Variants in SLC26A2 observed in about 807,000 individuals in gnomAD.
SLC26A2 encodes the protein solute carrier family 26 member 2.
In SLC26A2, 36 loss-of-function variants were observed where a neutral mutation model predicts 41.1. The observed-to-expected ratio is 0.88, with a 90% confidence interval of 0.67 to 1.16. The LOEUF (loss-of-function observed/expected upper bound fraction) is 1.16, where lower values mean the gene tolerates loss of function less well. SLC26A2 is among the 50% of genes most tolerant of loss of function. The pLI, the probability that SLC26A2 is intolerant of heterozygous loss-of-function variation, is 0.00. For missense variants in SLC26A2, 796 were observed against 869.6 expected, an observed-to-expected ratio of 0.92 and a Z score of 1.07; for synonymous variants, 291 against 311.6, an observed-to-expected ratio of 0.93 and a Z score of 0.70.
rs574515587 is a variant in SLC26A2, at chr5:149,975,745, T to C, written c.-25-1883T>C. 9.9e-5 allele frequency among the ~76,000 whole-genome samples: 15 copies of C among 152,216 alleles called. 1 individual carries two copies. Among genetic ancestry groups the C allele is most frequent in the Admixed American group, 7.2e-4 (11 of 15,284 alleles). On this transcript the variant is annotated intron_variant, in intron 1 of 2. Transcript: ENST00000286298. ...GTTACTTTTACATATCTTGTGTTCT[T>C]GAATAAGTCATAGGTCCTGGATTTT...
At chr5:149,972,637 T>C (rs1754923434) in intron 1 of SLC26A2, among the ~76,000 whole-genome samples, 1 of 152,226 alleles carries the variant, frequency 6.6e-6, no homozygotes, top group Non-Finnish European at 1.5e-5. Flanking sequence ...AATTACTAAA[T>C]TGGGCCAGTC....
At chr5:149,972,615 A>G (rs1452980891) in intron 1 of SLC26A2, among the ~76,000 whole-genome samples, 3 of 152,232 alleles carry the variant, frequency 2.0e-5, no homozygotes, top group Non-Finnish European at 2.9e-5. Flanking sequence ...TCTGTCATTT[A>G]TAAGCTGAAT....
At chr5:149,979,586 A>G (rs768517204) in intron 2 of SLC26A2, among the ~76,000 whole-genome samples, 6 of 152,222 alleles carry the variant, frequency 3.9e-5, no homozygotes, top group Non-Finnish European at 8.8e-5. Context: ...AGAAGGAAGA[A>G]GGCATAACAA....
At chr5:149,969,874 T>G (rs1431008541) in intron 1 of SLC26A2, among the ~76,000 whole-genome samples, 3 of 152,206 alleles carry the variant, frequency 2.0e-5, no homozygotes, top group Non-Finnish European at 4.4e-5. Flanking sequence ...CAGTGTATTC[T>G]CCACTCTCAG....
At chr5:149,961,260 C>A (rs1182504626) in intron 1 of SLC26A2, among the ~76,000 whole-genome samples, 1 of 152,208 alleles carries the variant, frequency 6.6e-6, no homozygotes, top group Non-Finnish European at 1.5e-5. Flanking sequence ...CCGGGTGCCA[C>A]GCACTCCGCT....
chr5:149,975,222 C>T (rs1015261313), intron 1 of SLC26A2, among the ~76,000 whole-genome samples: 1 of 152,070 alleles, frequency 6.6e-6, no homozygotes, highest in Admixed American at 6.6e-5. Flanking sequence ...TTGAGTTCAT[C>T]GATTCTTTCT....
Position 149,981,293 on chromosome 5 carries a change from C to G in SLC26A2, c.1700C>G (p.Ser567Cys), listed in dbSNP as rs979024066. The G allele has an allele frequency of 6.2e-7, 1 of 1,614,122 alleles. No individual in the cohort carries two copies. The highest frequency in any genetic ancestry group is 1.3e-5 in the African/African-American group (1 of 75,030). The change falls in exon 3 of 3, where the codon TCT (serine) becomes TGT (cysteine). Residue 567 changes from serine (S) to cysteine (C), a missense_variant. Transcript: ENST00000286298. ...VEESEVFESV[S>C]AYKNLQIKPG... ...GAGTCTGAGGTCTTTGAATCTGTGT[C>G]TGCTTACAAGAACCTTCAGATTAAG...
At chr5:149,971,331 A>C (rs182973221) in intron 1 of SLC26A2, among the ~76,000 whole-genome samples, 168 of 152,304 alleles carry the variant, frequency 1.1e-3, no homozygotes, top group Non-Finnish European at 2.0e-3. Flanking sequence ...AGTGAGTTAG[A>C]GGATCCGATG....
Position 149,981,675 on chromosome 5 carries a change from A to C in SLC26A2, c.2082A>C (p.Leu694=). The C allele has an allele frequency of 6.2e-7, 1 of 1,613,354 alleles. No homozygotes were observed. The change falls in exon 3 of 3, where the codon CTA becomes CTC. Residue 694 remains leucine, a synonymous_variant. Transcript: ENST00000286298. The stretch of plus-strand genomic sequence containing the variant: ...GCAATCCCACTGTGAGGGATTCCCT[A>C]ACCAACGGAGAATATTGCAAAAAGG... ...AQCNPTVRDS[L]TNGEYCKKEE...
At chr5:149,971,668 G>A (rs1226258877) in intron 1 of SLC26A2, among the ~76,000 whole-genome samples, 4 of 152,156 alleles carry the variant, frequency 2.6e-5, no homozygotes, top group Non-Finnish European at 5.9e-5. Context: ...CCAAAGTGCC[G>A]GGATTACAGG....
At chr5:149,966,186 T>A (rs1754802558) in intron 1 of SLC26A2, among the ~76,000 whole-genome samples, 1 of 152,234 alleles carries the variant, frequency 6.6e-6, no homozygotes, top group Non-Finnish European at 1.5e-5. Context: ...ATTATAGTTG[T>A]AAACCACTGG....
At chr5:149,973,220 A>G (rs1754935073) in intron 1 of SLC26A2, among the ~76,000 whole-genome samples, 2 of 152,068 alleles carry the variant, frequency 1.3e-5, no homozygotes, top group African/African-American at 4.8e-5. Flanking sequence ...TCCCCCTCCC[A>G]TTCTGTGTGG....
intron 2 of SLC26A2, 91 bp from the exon 3 acceptor site, chr5:149,980,202 G>C (rs900248439): frequency 3.1e-6 from 3 of 954,750 alleles, no homozygotes; most frequent in Non-Finnish European, 5.2e-6. Flanking sequence ...ATGCTCTGAT[G>C]ATATGTCTCC....
rs1755129701 is a variant in SLC26A2 at position 149,982,609 on chromosome 5, A to G, written c.*796A>G. The G allele has an allele frequency of 6.6e-6, 1 of 152,152 alleles. No individual in the cohort carries two copies. Among genetic ancestry groups the G allele is most frequent in the African/African-American group, 2.4e-5 (1 of 41,428 alleles). The allele number at this position is 152,152 out of a possible 1,614,324, so 9.4% of individuals were successfully genotyped here. A position where few individuals can be genotyped will look rare whatever the true frequency, so the allele number is the denominator to read the frequency against. On this transcript the variant is annotated 3_prime_UTR_variant, in exon 3 of 3. Transcript: ENST00000286298. ...TGTCCTTGTTTCTGAGACTTTCTCT[A>G]CCATTAAGCTCTATTTTAGCTTTCA...
Position 149,981,610 on chromosome 5 carries a change from G to A in SLC26A2, c.2017G>A (p.Asp673Asn), listed in dbSNP as rs1226810242. The change falls in exon 3 of 3, where the codon GAT becomes AAT. Residue 673 changes from aspartate to asparagine, a missense_variant. By Grantham distance (23) the Asp-to-Asn change is conservative. Transcript: ENST00000286298. ...CCACACACTGAAAGAAGTTCGCAGA[G>A]ATTATGAAGCCATTGGAATCCAGGT... ...GIHTLKEVRR[D>N]YEAIGIQVLL... The A allele has an allele frequency of 5.0e-6, 8 of 1,613,986 alleles. No individual in the cohort carries two copies. The highest frequency in any genetic ancestry group is 6.8e-6 in the Non-Finnish European group (8 of 1,180,004).
rs1178525769 is a variant in SLC26A2, at chr5:149,984,669, A to G, written c.*2856A>G. 1 of 152,242 alleles carries G rather than the reference A, an allele frequency of 6.6e-6. No homozygotes were observed. Among genetic ancestry groups the G allele is most frequent in the Non-Finnish European group, 1.5e-5 (1 of 68,048 alleles). 9.4% of individuals were successfully genotyped at this position (152,242 alleles called of 1,614,324 possible). On this transcript the variant is annotated 3_prime_UTR_variant, in exon 3 of 3. Transcript: ENST00000286298. ...GAGCGAGACTCCGTCTCAAACAAACAAACAAAAAACTGTTTTCATTTGCTC... is the reference window on the plus strand; with the variant it reads ...GAGCGAGACTCCGTCTCAAACAAACGAACAAAAAACTGTTTTCATTTGCTC...
Position 149,978,361 on chromosome 5 carries a change from A to C in SLC26A2, c.699+10A>C. On this transcript the variant is annotated intron_variant, in intron 2 of 2. Transcript: ENST00000286298. ...AGCTGGAGTTTATCAGGTAAGCAGCAATGAAACAATTGGTTATTTCTAGAA... is the reference window on the plus strand; with the variant it reads ...AGCTGGAGTTTATCAGGTAAGCAGCCATGAAACAATTGGTTATTTCTAGAA... 6.3e-7 allele frequency: 1 copy of C among 1,595,188 alleles called. No individual in the cohort carries two copies. Among genetic ancestry groups the C allele is most frequent in the Non-Finnish European group, 8.6e-7 (1 of 1,166,814 alleles).
rs1029157137 is a variant in SLC26A2, at chr5:149,962,342, C to CT, written c.-26+1376dup. On this transcript the variant is annotated intron_variant, in intron 1 of 2. Coordinates refer to ENST00000286298, the MANE Select transcript of SLC26A2 (RefSeq NM_000112.4). ...CACTTTTTTTTAATTTCTGATTTGACTTTTTTTTTTTTTGAGACCAGGTCT... is the reference window on the plus strand; with the variant it reads ...CACTTTTTTTTAATTTCTGATTTGACTTTTTTTTTTTTTTGAGACCAGGTCT... 4.4e-3 allele frequency: 638 copies of CT among 144,930 alleles called. 3 individuals are homozygous for CT. Among genetic ancestry groups the CT allele is most frequent in the Non-Finnish European group, 6.8e-3 (446 of 65,654 alleles). The allele number at this position is 144,930 out of a possible 1,614,324, so 9.0% of individuals were successfully genotyped here.
Position 149,986,199 on chromosome 5 carries a change from A to G in SLC26A2, c.*4386A>G, listed in dbSNP as rs1338824905. 3 of 152,198 alleles carry G rather than the reference A, an allele frequency of 2.0e-5. No homozygotes were observed. The highest frequency in any genetic ancestry group is 4.4e-5 in the Non-Finnish European group (3 of 68,048). 9.4% of individuals were successfully genotyped at this position (152,198 alleles called of 1,614,324 possible). A position where few individuals can be genotyped will look rare whatever the true frequency, so the allele number is the denominator to read the frequency against. Reference sequence around the variant, plus strand: ...AGGGAAGTTTCCTTGAGCCTAAAATAAAAAGAAAAAATTAAAAAGAATCAG... The same window carrying G: ...AGGGAAGTTTCCTTGAGCCTAAAATGAAAAGAAAAAATTAAAAAGAATCAG... On this transcript the variant is annotated 3_prime_UTR_variant, in exon 3 of 3. Coordinates refer to ENST00000286298, the MANE Select transcript of SLC26A2 (RefSeq NM_000112.4).
Sources: allele counts gnomAD v4.1 joint callset (sites outside exome capture counted in the v4.1 genomes callset), GRCh38; gene constraint gnomAD v4.1.1; transcripts MANE v1.5; gene names NCBI Gene and HGNC (gene_info 2026-07-23, HGNC 2026-07-21).